Variants in CENPP observed in about 807,000 individuals in gnomAD.
CENPP encodes centromere protein P.
In CENPP, 24 loss-of-function variants were observed where a neutral mutation model predicts 35.6. The observed-to-expected ratio is 0.67, with a 90% CI of 0.49 to 0.95. CENPP has a LOEUF of 0.95. Ranked by LOEUF, CENPP falls within the 40% of genes least tolerant of loss-of-function variation. The pLI, the probability that CENPP is intolerant of heterozygous loss-of-function variation, is 0.00. For missense variants in CENPP, 332 were observed against 345.3 expected (o/e 0.96, Z 0.31); for synonymous variants, 120 against 125.5 (o/e 0.96, Z 0.29).
At chr9:92,420,617 T>C (rs541030251) in intron 5 of CENPP, among the ~76,000 whole-genome samples, 2 of 152,310 alleles carry the variant, frequency 1.3e-5, no homozygotes, top group Admixed American at 1.3e-4. Context: ...TTATTCCCCA[T>C]TATTGTTTTT....
intron 5 of CENPP, among the ~76,000 whole-genome samples, chr9:92,537,252 G>A (rs1849204180): frequency 6.6e-6 from 1 of 152,056 alleles, no homozygotes; most frequent in Non-Finnish European, 1.5e-5. Context: ...AAATGACGTG[G>A]TTAGACTGAA....
At chr9:92,560,136 C>G (rs1849815965) in intron 5 of CENPP, among the ~76,000 whole-genome samples, 2 of 152,004 alleles carry the variant, frequency 1.3e-5, no homozygotes, top group Admixed American at 1.3e-4. Context: ...ACAGCCAGAC[C>G]CTGTCTCTAA....
intron 5 of CENPP, among the ~76,000 whole-genome samples, chr9:92,552,376 G>A (rs944630931): frequency 2.0e-5 from 3 of 152,084 alleles, no homozygotes; most frequent in African/African-American, 7.2e-5. Flanking sequence ...GGGACTGCTG[G>A]ATCAACTGGT....
intron 5 of CENPP, among the ~76,000 whole-genome samples, chr9:92,598,034 C>T (rs781570059): frequency 2.6e-5 from 4 of 152,164 alleles, no homozygotes; most frequent in South Asian, 2.1e-4. Context: ...TTCCCATATC[C>T]GTTTGTTCCT....
intron 5 of CENPP, among the ~76,000 whole-genome samples, chr9:92,540,756 G>A (rs1288634630): frequency 6.9e-6 from 1 of 143,918 alleles, no homozygotes; most frequent in African/African-American, 2.8e-5. Flanking sequence ...GGGCAACAGA[G>A]CACGACTCTG....
intron 4 of CENPP, among the ~76,000 whole-genome samples, chr9:92,372,450 G>GT (rs1361228628): frequency 6.6e-6 from 1 of 151,868 alleles, no homozygotes; most frequent in Non-Finnish European, 1.5e-5. Flanking sequence ...TTCTCTTACA[G>GT]TTTGTCATTG....
intron 4 of CENPP, among the ~76,000 whole-genome samples, chr9:92,359,189 T>C (rs1588057542): frequency 6.6e-6 from 1 of 152,096 alleles, no homozygotes; most frequent in Admixed American, 6.5e-5. Flanking sequence ...CCTCAGGTGA[T>C]CCGCCTGCCT....
chr9:92,606,396 G>A (rs1851082116), intron 5 of CENPP, among the ~76,000 whole-genome samples: 1 of 152,146 alleles, frequency 6.6e-6, no homozygotes, highest in Non-Finnish European at 1.5e-5. Flanking sequence ...GTGTTGATGG[G>A]GCTATGGAGA....
intron 5 of CENPP, among the ~76,000 whole-genome samples, chr9:92,400,440 C>T (rs956214703): frequency 3.3e-5 from 5 of 152,224 alleles, no homozygotes; most frequent in Non-Finnish European, 4.4e-5. Flanking sequence ...TGAGCCACCA[C>T]GCCCAGCCTG....
intron 4 of CENPP, among the ~76,000 whole-genome samples, chr9:92,376,508 G>A (rs911193786): frequency 4.6e-5 from 7 of 152,078 alleles, no homozygotes; most frequent in Non-Finnish European, 5.9e-5. Context: ...GCACAGAGAG[G>A]GGTCCCAGAG....
rs1487207007 is a variant in CENPP, at chr9:92,419,645, A to G, written c.564+39786A>G. Among the ~76,000 whole-genome samples the G allele has an allele frequency of 9.2e-5, 14 of 152,206 alleles. No individual in the cohort carries two copies. In the South Asian group the frequency reaches 2.5e-3, roughly 27 times the overall value. On this transcript the variant is annotated intron_variant, in intron 5 of 7. Coordinates refer to ENST00000375587, the MANE Select transcript of CENPP (RefSeq NM_001012267.3). ...GCTTATCCGCCTGGTCGTTGTTAGC[A>G]TTGTATGAGCTATGCATGTACAAGT...
At chr9:92,403,204 G>T in intron 5 of CENPP, 1 of 1,445,484 alleles carries the variant, frequency 6.9e-7, no homozygotes, top group Non-Finnish European at 9.5e-7. Flanking sequence ...CAGTATTTTA[G>T]AAGCTAAATT....
rs777793451 is a variant in CENPP at position 92,401,118 on chromosome 9, G to A, written c.564+21259G>A. The A allele has an allele frequency of 3.3e-6, 5 of 1,519,782 alleles. No homozygotes were observed. The highest frequency in any genetic ancestry group is 1.8e-4 in the Middle Eastern group (1 of 5,496). 94.1% of individuals were successfully genotyped at this position (1,519,782 alleles called of 1,614,324 possible). On this transcript the variant is annotated intron_variant, in intron 5 of 7. Coordinates refer to ENST00000375587, the MANE Select transcript of CENPP (RefSeq NM_001012267.3). The stretch of plus-strand genomic sequence containing the variant: ...ATCATTTTCTTTCTTGGGAGGTAAT[G>A]GTGTTATTGCCTCATCTTTTTGTAA...
intron 5 of CENPP, among the ~76,000 whole-genome samples, chr9:92,555,214 A>ATTTTTTTTT (rs34701393): frequency 1.6e-5 from 1 of 63,440 alleles, no homozygotes; most frequent in African/African-American, 8.3e-5. Context: ...TTTTTTGGAA[A>ATTTTTTTTT]TTTTTTTTTT....
At chr9:92,338,461 G>C (rs72750496) in intron 3 of CENPP, among the ~76,000 whole-genome samples, 5,395 of 152,120 alleles carry the variant, frequency 0.035, 128 homozygotes, top group South Asian at 0.082. Flanking sequence ...ACACATCCTC[G>C]TTTATACTTT....
intron 5 of CENPP, among the ~76,000 whole-genome samples, chr9:92,443,285 A>G (rs982088025): frequency 2.0e-5 from 3 of 152,172 alleles, no homozygotes; most frequent in South Asian, 2.1e-4. Flanking sequence ...AAAAATATCA[A>G]TTTTTACCAT....
intron 4 of CENPP, among the ~76,000 whole-genome samples, chr9:92,360,335 T>A (rs1841713523): frequency 6.6e-6 from 1 of 152,192 alleles, no homozygotes; most frequent in Non-Finnish European, 1.5e-5. Context: ...GTGAATTATA[T>A]TCACATGTAT....
chr9:92,513,102 G>A (rs895637656), intron 5 of CENPP, among the ~76,000 whole-genome samples: 4 of 152,106 alleles, frequency 2.6e-5, no homozygotes, highest in South Asian at 4.1e-4. Context: ...AGGGACACCC[G>A]TGGCATGGGG....
At chr9:92,502,709 T>C in intron 5 of CENPP, 1 of 1,376,414 alleles carries the variant, frequency 7.3e-7, no homozygotes, top group Non-Finnish European at 9.9e-7. Context: ...TACGTTCAAT[T>C]TCATGGAGAC....
Sources: allele counts gnomAD v4.1 joint callset (sites outside exome capture counted in the v4.1 genomes callset), GRCh38; gene constraint gnomAD v4.1.1; transcripts MANE v1.5; gene names NCBI Gene and HGNC (gene_info 2026-07-23, HGNC 2026-07-21).